Variants in TUB observed in about 807,000 individuals in gnomAD.
TUB encodes tubby protein homolog.
A neutral mutation model predicts 59.7 loss-of-function variants in TUB; 33 were observed. The ratio of observed to expected loss-of-function variants is 0.55; its 90% CI spans 0.42 to 0.74. TUB has a LOEUF of 0.74. Ranked by LOEUF, TUB falls within the 30% of genes least tolerant of loss-of-function variation. The pLI is 0.00. For missense variants in TUB, 659 were observed against 672.0 expected, an observed-to-expected ratio of 0.98 and a Z score of 0.21; for synonymous variants, 293 against 256.4, an observed-to-expected ratio of 1.14 and a Z score of -1.36.
At chr11:8,019,379 C>T in intron 1 of TUB, 1 of 1,240,756 alleles carries the variant, frequency 8.1e-7, no homozygotes, top group Non-Finnish European at 1.0e-6. Flanking sequence ...CGAAGGGTGG[C>T]CCTGCGTGAG....
intron 1 of TUB, among the ~76,000 whole-genome samples, chr11:8,032,995 T>C (rs1026890728): frequency 6.6e-6 from 1 of 152,102 alleles, no homozygotes; most frequent in African/African-American, 2.4e-5. Flanking sequence ...GGGCTTTCTG[T>C]CACTCCCTCT....
chr11:8,091,384 C>T (rs1943771903), intron 3 of TUB, among the ~76,000 whole-genome samples: 1 of 152,182 alleles, frequency 6.6e-6, no homozygotes, highest in Non-Finnish European at 1.5e-5. Flanking sequence ...CAAAGGCTGG[C>T]TGTACATCTG....
chr11:8,049,572 TATATATATAGATAG>T (rs1942894498), intron 2 of TUB, among the ~76,000 whole-genome samples: 2 of 92,286 alleles, frequency 2.2e-5, no homozygotes, highest in South Asian at 4.9e-4. Flanking sequence ...TATATATATA[TATATATATAGATAG>T]ATAGATAGAT....
At chr11:8,076,304 G>A (rs1234818282), upstream of TUB, 1 of 152,094 alleles carries the variant, frequency 6.6e-6, no homozygotes, top group African/African-American at 2.4e-5. Flanking sequence ...ACTGACTTAG[G>A]GGTCTCCTCA....
At chr11:8,060,559 G>A (rs916327662) in intron 2 of TUB, among the ~76,000 whole-genome samples, 2 of 152,174 alleles carry the variant, frequency 1.3e-5, no homozygotes, top group Non-Finnish European at 2.9e-5. Context: ...GACCATACCA[G>A]TGATTTTCAA....
chr11:8,081,496 C>G lies in TUB; in HGVS notation c.-15C>G, dbSNP rs779397593. The G allele has an allele frequency of 1.3e-6, 2 of 1,525,830 alleles. No individual in the cohort carries two copies. The highest frequency in any genetic ancestry group is 1.4e-5 in the African/African-American group (1 of 69,614). 94.5% of individuals were successfully genotyped at this position (1,525,830 alleles called of 1,614,324 possible). ...GGCCTCCAGAGCCGCAGCCACCGCC[C>G]CGCCCCCGAGAGACATGACTTCCAA... is the stretch of plus-strand genomic sequence containing the variant. On this transcript the variant is annotated 5_prime_UTR_variant, in exon 1 of 12. Transcript: ENST00000299506.
In TUB at chr11:8,095,551, G is replaced by A. The variant is rs767402711; in HGVS notation, c.451G>A (p.Val151Met). ...AEDKSEAQGPVQILTVGQSDH... is the reference protein window; with the variant it reads ...AEDKSEAQGPMQILTVGQSDH... ...AGACAAGTCTGAGGCCCAAGGCCCA[G>A]TGCAGATTCTGACTGTGGGCCAGTC... Residue 151 changes from valine (V) to methionine (M), a missense_variant, in exon 5 of 12, where the codon GTG becomes ATG. This residue lies in a region of TUB where 321 missense variants were observed against 304.3 expected (regional missense o/e 1.05). Coordinates refer to ENST00000299506, the MANE Select transcript of TUB (RefSeq NM_177972.3). The A allele has an allele frequency of 5.3e-5, 85 of 1,613,152 alleles. No individual in the cohort carries two copies. In the Middle Eastern group the frequency reaches 1.6e-3, roughly 31 times the overall value.
At chr11:8,049,578 T>TATATATATATAGATAGATAGATAGATAG (rs1055522231) in intron 2 of TUB, among the ~76,000 whole-genome samples, 8 of 85,916 alleles carry the variant, frequency 9.3e-5, no homozygotes, top group South Asian at 3.9e-4. Context: ...TATATATATA[T>TATATATATATAGATAGATAGATAGATAG]ATAGATAGAT....
chr11:8,049,578 T>TATATATATATATATAGATAGATAG (rs1055522231), intron 2 of TUB, among the ~76,000 whole-genome samples: 53 of 85,918 alleles, frequency 6.2e-4, no homozygotes, highest in South Asian at 7.8e-4. Flanking sequence ...TATATATATA[T>TATATATATATATATAGATAGATAG]ATAGATAGAT....
At chr11:8,087,802 A>T (rs901345283) in intron 1 of TUB, among the ~76,000 whole-genome samples, 5 of 152,226 alleles carry the variant, frequency 3.3e-5, no homozygotes, top group Non-Finnish European at 7.3e-5. Flanking sequence ...CAGGCCTGGC[A>T]GGGCCCTCAG....
At position 8,100,943 on chromosome 11, in the gene TUB, G is replaced by A. The variant is rs370305563; in HGVS notation, c.1333G>A (p.Gly445Arg). ...ACAGTCCTATGTACTCAACTTCCAT[G>A]GGCGCGTCACACAGGCCTCCGTGAA... is the stretch of plus-strand genomic sequence containing the variant. ...DTQSYVLNFHGRVTQASVKNF... is the reference protein window; with the variant it reads ...DTQSYVLNFHRRVTQASVKNF... The change falls in exon 11 of 12, where the codon GGG becomes AGG. Residue 445 changes from glycine to arginine, a missense_variant. Gly to Arg is a moderately radical substitution (Grantham distance 125). Coordinates refer to ENST00000299506, the MANE Select transcript of TUB (RefSeq NM_177972.3). 4.3e-6 allele frequency: 7 copies of A among 1,614,160 alleles called. No homozygotes were observed. Among genetic ancestry groups the A allele is most frequent in the Non-Finnish European group, 5.9e-6 (7 of 1,180,020 alleles).
chr11:8,052,679 G>A (rs577933087), intron 2 of TUB, among the ~76,000 whole-genome samples: 1 of 152,204 alleles, frequency 6.6e-6, no homozygotes, highest in East Asian at 1.9e-4. Context: ...GTTTCACCGT[G>A]TTAGCCAGGA....
intron 9 of TUB, among the ~76,000 whole-genome samples, 153 bp downstream of exon 9, chr11:8,099,028 A>G (rs1156937853): frequency 6.6e-6 from 1 of 152,110 alleles, no homozygotes. Context: ...GGCCTAGGAC[A>G]GGGGCTCTGG....
rs76233044 is a variant in TUB at position 8,060,557 on chromosome 11, C to T, written c.203+20865C>T. Among the ~76,000 whole-genome samples, 447 of 152,236 alleles carry T rather than the reference C, an allele frequency of 2.9e-3. 2 individuals carry two copies. The highest frequency in any genetic ancestry group is 0.011 in the African/African-American group (437 of 41,526). ...TGAAAATAAGAAAGCTGGACCATACCAGTGATTTTCAAATGACATTTGGAG... is the reference window on the plus strand; with the variant it reads ...TGAAAATAAGAAAGCTGGACCATACTAGTGATTTTCAAATGACATTTGGAG... On this transcript the variant is annotated intron_variant, in intron 2 of 12. Transcript: ENST00000305253.
chr11:8,097,806 C>T lies in TUB; in HGVS notation c.978C>T (p.Asp326=). Reference sequence around the variant, plus strand: ...CAACAGACTTGTCTCGAGGAGGGGACAGCTATATCGGGAAACTGCGGTACT... The same window carrying T: ...CAACAGACTTGTCTCGAGGAGGGGATAGCTATATCGGGAAACTGCGGTACT... ...VDPTDLSRGG[D]SYIGKLRSNL... Residue 326 remains aspartate, a synonymous_variant, in exon 8 of 12, where the codon GAC becomes GAT. Transcript: ENST00000299506. The T allele has an allele frequency of 1.9e-6, 3 of 1,613,734 alleles. No individual in the cohort carries two copies. The highest frequency in any genetic ancestry group is 2.5e-6 in the Non-Finnish European group (3 of 1,179,838).
intron 2 of TUB, among the ~76,000 whole-genome samples, chr11:8,046,205 C>A (rs1223804570): frequency 6.6e-6 from 1 of 152,184 alleles, no homozygotes; most frequent in Non-Finnish European, 1.5e-5. Context: ...TGTTTGTTCT[C>A]TTTCCTCAGG....
chr11:8,081,173 G>T (rs1416720364), upstream of TUB, among the ~76,000 whole-genome samples: 3 of 150,938 alleles, frequency 2.0e-5, no homozygotes, highest in African/African-American at 4.8e-5. Flanking sequence ...GGCGGGGCGG[G>T]GCGAGGGAGA....
chr11:8,082,371 C>G (rs1371579208), intron 1 of TUB, among the ~76,000 whole-genome samples: 3 of 152,084 alleles, frequency 2.0e-5, no homozygotes, highest in African/African-American at 4.8e-5. Context: ...GGGAAGGGGG[C>G]GGGGAGGTGG....
At chr11:8,093,368 G>C (rs1319917795) in intron 3 of TUB, among the ~76,000 whole-genome samples, 1 of 152,056 alleles carries the variant, frequency 6.6e-6, no homozygotes, top group African/African-American at 2.4e-5. Flanking sequence ...CCAGAGGTGG[G>C]GAGTATGTGT....
Sources: gnomAD v4.1 joint callset for allele counts (sites outside exome capture counted in the v4.1 genomes callset) on GRCh38, gnomAD v4.1.1 for gene constraint, gnomAD v4.1.1 regional missense constraint, MANE v1.5 for transcripts, NCBI Gene and HGNC (gene_info 2026-07-23, HGNC 2026-07-21) for gene names.